MCF2L2: variants seen among roughly 807,000 people sequenced by gnomAD.
The protein encoded by MCF2L2 is probable guanine nucleotide exchange factor MCF2L2.
MCF2L2 carries 102 observed loss-of-function variants against 150.2 expected under a neutral mutation model. The ratio of observed to expected loss-of-function variants is 0.68; its 90% CI spans 0.58 to 0.80. The LOEUF is 0.80. Among genes scored for constraint, MCF2L2 ranks in the 30% least tolerant of loss-of-function variants. The pLI is 0.00. For missense variants in MCF2L2, 1,256 were observed against 1,372.8 expected, an observed-to-expected ratio of 0.91 and a Z score of 1.34; for synonymous variants, 465 against 491.3, an observed-to-expected ratio of 0.95 and a Z score of 0.71.
chr3:183,252,514 T>A (rs942693497), intron 15 of MCF2L2, among the ~76,000 whole-genome samples: 1 of 152,080 alleles, frequency 6.6e-6, no homozygotes, highest in Non-Finnish European at 1.5e-5. Context: ...TTTCATTTTG[T>A]GTGTGTGTTT....
intron 17 of MCF2L2, 50 bp from the exon 18 acceptor site, chr3:183,228,416 G>A: frequency 7.6e-7 from 1 of 1,321,452 alleles, no homozygotes; most frequent in South Asian, 1.2e-5. Flanking sequence ...TTGACATGTA[G>A]GTAATTAATT....
intron 1 of MCF2L2, among the ~76,000 whole-genome samples, chr3:183,402,451 C>CAAAAAAAAAAAAAAAAAAAAAAAAAA (rs779201489): frequency 1.8e-5 from 1 of 54,760 alleles, no homozygotes; most frequent in African/African-American, 4.7e-5. Context: ...GAGACTCCAT[C>CAAAAAAAAAAAAAAAAAAAAAAAAAA]AAAAAAAAAA....
chr3:183,264,678 T>C (rs1452896767), intron 15 of MCF2L2, among the ~76,000 whole-genome samples: 1 of 152,192 alleles, frequency 6.6e-6, no homozygotes, highest in Non-Finnish European at 1.5e-5. Context: ...GTTTCACATA[T>C]TATCTCAGCA....
At chr3:183,423,632 G>GTTTTTTTTTTTTT (rs34400256) in intron 1 of MCF2L2, among the ~76,000 whole-genome samples, 1 of 92,038 alleles carries the variant, frequency 1.1e-5, no homozygotes, top group Non-Finnish European at 2.1e-5. Flanking sequence ...AATTTTATTT[G>GTTTTTTTTTTTTT]TTTTTTTTTT....
intron 3 of MCF2L2, among the ~76,000 whole-genome samples, chr3:183,350,172 G>C (rs763639945): frequency 2.0e-5 from 3 of 152,182 alleles, no homozygotes; most frequent in Non-Finnish European, 4.4e-5. Context: ...TGAACAGAAA[G>C]AGCTGTGTCT....
chr3:183,361,219 C>T (rs1712182876), intron 3 of MCF2L2, among the ~76,000 whole-genome samples: 1 of 151,964 alleles, frequency 6.6e-6, no homozygotes, highest in African/African-American at 2.4e-5. Context: ...ACCTTTTAAT[C>T]AAAACATGGC....
At chr3:183,195,105 T>C in intron 26 of MCF2L2, 117 bp downstream of exon 26, 3 of 876,982 alleles carry the variant, frequency 3.4e-6, no homozygotes, top group Non-Finnish European at 5.2e-6. Flanking sequence ...AAATTGGAAA[T>C]CCCTTGTAAT....
chr3:183,421,270 G>A (rs73186913), intron 1 of MCF2L2, among the ~76,000 whole-genome samples: 2 of 152,112 alleles, frequency 1.3e-5, no homozygotes, highest in South Asian at 2.1e-4. Flanking sequence ...TGCTCCTCCT[G>A]TAGCTCCTCT....
intron 15 of MCF2L2, chr3:183,266,068 G>C (rs992427053): frequency 2.6e-5 from 4 of 152,216 alleles, no homozygotes; most frequent in African/African-American, 9.7e-5. Flanking sequence ...TGAAGGTTCT[G>C]AACCAGCTGC....
chr3:183,413,784 G>A (rs774166702), intron 1 of MCF2L2, among the ~76,000 whole-genome samples: 83 of 152,078 alleles, frequency 5.5e-4, no homozygotes, highest in Non-Finnish European at 7.4e-4. Flanking sequence ...TTCCTTTCTC[G>A]GCTGTCCTTC....
At chr3:183,306,158 C>T (rs1496801) in intron 10 of MCF2L2, among the ~76,000 whole-genome samples, 39,045 of 152,186 alleles carry the variant, frequency 0.26, 5,403 homozygotes, top group Non-Finnish European at 0.3. Flanking sequence ...CATCCCTATC[C>T]GACTTCCAAA....
intron 15 of MCF2L2, among the ~76,000 whole-genome samples, chr3:183,266,960 A>T (rs1726202434): frequency 6.6e-6 from 1 of 151,766 alleles, no homozygotes; most frequent in South Asian, 2.1e-4. Flanking sequence ...CTAATTTTTG[A>T]ATTTTTTATA....
chr3:183,244,060 C>T (rs1227174423), intron 15 of MCF2L2, among the ~76,000 whole-genome samples: 1 of 151,954 alleles, frequency 6.6e-6, no homozygotes, highest in Non-Finnish European at 1.5e-5. Context: ...GGAGGCGGAG[C>T]TTGCAGTGAG....
chr3:183,315,895 C>G (rs1729583302), intron 7 of MCF2L2, among the ~76,000 whole-genome samples: 1 of 152,232 alleles, frequency 6.6e-6, no homozygotes, highest in Admixed American at 6.5e-5. Flanking sequence ...CTCCAGAGAC[C>G]TTCCTGACTG....
chr3:183,183,185 T>C (rs1225755548), intron 27 of MCF2L2, among the ~76,000 whole-genome samples: 1 of 152,128 alleles, frequency 6.6e-6, no homozygotes, highest in African/African-American at 2.4e-5. Flanking sequence ...TTGGTAGAGA[T>C]GGGGTTTTAC....
In MCF2L2 at chr3:183,341,478, G is replaced by T. The variant is rs147290597; in HGVS notation, c.366+62C>A. 2.1e-5 allele frequency: 28 copies of T among 1,329,590 alleles called. No homozygotes were observed. In the East Asian group the frequency reaches 6.4e-4, roughly 31 times the overall value. 82.4% of individuals were successfully genotyped at this position (1,329,590 alleles called of 1,614,324 possible). A position where few individuals can be genotyped will look rare whatever the true frequency, so the allele number is the denominator to read the frequency against. ...TGCCTTTTCCCCAGGACTTTGATATGAAATAGTTGAACAGACAATTTAAAT... is the reference window on the plus strand; with the variant it reads ...TGCCTTTTCCCCAGGACTTTGATATTAAATAGTTGAACAGACAATTTAAAT... On this transcript the variant is annotated intron_variant, in intron 4 of 29. Coordinates refer to ENST00000328913, the MANE Select transcript of MCF2L2 (RefSeq NM_015078.4).
At chr3:183,386,338 C>T (rs745490420) in intron 2 of MCF2L2, among the ~76,000 whole-genome samples, 3 of 152,220 alleles carry the variant, frequency 2.0e-5, no homozygotes, top group Non-Finnish European at 4.4e-5. Flanking sequence ...TGTCTTCCAA[C>T]GTCAGAGCTA....
chr3:183,426,410 A>G lies in MCF2L2; in HGVS notation c.76+1492T>C, dbSNP rs77532810. Among the ~76,000 whole-genome samples, 64 of 152,342 alleles carry G rather than the reference A, an allele frequency of 4.2e-4. 2 individuals carry two copies. In the East Asian group the frequency reaches 0.012, roughly 29 times the overall value. On this transcript the variant is annotated intron_variant, in intron 1 of 29. Coordinates refer to ENST00000328913, the MANE Select transcript of MCF2L2 (RefSeq NM_015078.4). The stretch of plus-strand genomic sequence containing the variant: ...GTGGCGTGACAGAGGGACCAGGGAT[A>G]TGTCTAATAACTGAAATGTCTGTAT...
At chr3:183,384,977 T>A in intron 2 of MCF2L2, among the ~76,000 whole-genome samples, 1 of 152,192 alleles carries the variant, frequency 6.6e-6, no homozygotes, top group Non-Finnish European at 1.5e-5. Context: ...CCCTCTCACC[T>A]GCACTACCGA....
Sources: allele counts gnomAD v4.1 joint callset (sites outside exome capture counted in the v4.1 genomes callset), GRCh38; gene constraint gnomAD v4.1.1; transcripts MANE v1.5; gene names NCBI Gene and HGNC (gene_info 2026-07-23, HGNC 2026-07-21).